Variants in BACH2 observed in about 807,000 individuals in gnomAD.
The protein encoded by BACH2 is transcription regulator protein BACH2.
A neutral mutation model predicts 61.8 loss-of-function variants in BACH2; 5 were observed. The ratio of observed to expected loss-of-function variants is 0.08; its 90% CI spans 0.04 to 0.17. The LOEUF (loss-of-function observed/expected upper bound fraction) is 0.17, where lower values mean the gene tolerates loss of function less well. BACH2 is among the 10% of genes least tolerant of loss of function. BACH2 has a pLI of 1.00. For synonymous variants in BACH2, 446 were observed against 440.1 expected (o/e 1.01, Z -0.17); for missense variants, 824 against 1,091.1 (o/e 0.76, Z 3.45).
intron 1 of BACH2, among the ~76,000 whole-genome samples, chr6:90,287,974 A>G (rs632043): frequency 0.052 from 7,979 of 152,270 alleles, 643 homozygotes; most frequent in African/African-American, 0.17. Flanking sequence ...AAGTGAGCAC[A>G]GAAGGAGGAT....
At chr6:89,933,761 G>A (rs9362703) in intron 8 of BACH2, among the ~76,000 whole-genome samples, 10,494 of 152,156 alleles carry the variant, frequency 0.069, 724 homozygotes, top group East Asian at 0.2. Flanking sequence ...CAAGTTGTGC[G>A]GATCGCTTGA....
At chr6:90,065,252 C>A (rs1259868305) in intron 5 of BACH2, among the ~76,000 whole-genome samples, 2 of 142,090 alleles carry the variant, frequency 1.4e-5, no homozygotes, top group Non-Finnish European at 3.1e-5. Flanking sequence ...GCTGCCACCC[C>A]ACCCCCTGCC....
chr6:90,082,229 A>G (rs1269119682), intron 5 of BACH2, among the ~76,000 whole-genome samples: 1 of 152,172 alleles, frequency 6.6e-6, no homozygotes, highest in Non-Finnish European at 1.5e-5. Context: ...TCAGAACACA[A>G]TCAGTTGACC....
chr6:90,256,163 G>A (rs1477004396), intron 2 of BACH2, among the ~76,000 whole-genome samples: 1 of 152,080 alleles, frequency 6.6e-6, no homozygotes. Flanking sequence ...AGGCCTCATA[G>A]CATTAGCTGT....
chr6:89,998,778 G>T (rs542292694), intron 6 of BACH2, among the ~76,000 whole-genome samples: 1 of 151,472 alleles, frequency 6.6e-6, no homozygotes. Context: ...CAATTTCCTG[G>T]CTTACAGCTT....
intron 6 of BACH2, among the ~76,000 whole-genome samples, chr6:89,990,805 G>A (rs953708540): frequency 6.6e-6 from 1 of 152,120 alleles, no homozygotes; most frequent in Non-Finnish European, 1.5e-5. Context: ...CCTGCTTACT[G>A]TCTGTCATCC....
At chr6:90,060,157 A>T (rs1016452800) in intron 5 of BACH2, among the ~76,000 whole-genome samples, 11 of 151,792 alleles carry the variant, frequency 7.2e-5, no homozygotes, top group African/African-American at 2.2e-4. Context: ...GAAAACAAAC[A>T]AACAAAAAAC....
intron 5 of BACH2, among the ~76,000 whole-genome samples, chr6:90,057,652 C>T (rs1209163318): frequency 1.3e-5 from 2 of 152,160 alleles, no homozygotes; most frequent in Admixed American, 6.6e-5. Context: ...GACACCAAAG[C>T]CTGGCAGAGA....
In BACH2 at chr6:89,989,482, CGAGA is replaced by C. The variant is rs373636040; in HGVS notation, c.243+19116_243+19119del. ...AGGTGGGAAGGGAGGGCATACAGAG[CGAGA>C]GAGAGAGGGCAAATCCACCTCCCTT... On this transcript the variant is annotated intron_variant, in intron 6 of 8. Coordinates refer to ENST00000257749, the MANE Select transcript of BACH2 (RefSeq NM_021813.4). Among the ~76,000 whole-genome samples the C allele has an allele frequency of 1.3e-5, 2 of 151,880 alleles. 1 individual carries two copies. Among genetic ancestry groups the C allele is most frequent in the Non-Finnish European group, 2.9e-5 (2 of 67,984 alleles).
At chr6:89,974,771 T>C (rs1375212838) in intron 6 of BACH2, among the ~76,000 whole-genome samples, 3 of 152,224 alleles carry the variant, frequency 2.0e-5, no homozygotes, top group African/African-American at 7.2e-5. Context: ...TTTACAACCG[T>C]CCCTTAAAAG....
At chr6:90,294,732 A>C (rs1582576198) in intron 1 of BACH2, among the ~76,000 whole-genome samples, 1 of 152,068 alleles carries the variant, frequency 6.6e-6, no homozygotes, top group African/African-American at 2.4e-5. Context: ...TTTAAGCAAG[A>C]CGCCCGCTGC....
chr6:90,203,830 G>A (rs1769041453), intron 4 of BACH2, among the ~76,000 whole-genome samples: 1 of 152,058 alleles, frequency 6.6e-6, no homozygotes, highest in Admixed American at 6.6e-5. Flanking sequence ...ACCAACATGC[G>A]AGCTATCCAA....
intron 2 of BACH2, among the ~76,000 whole-genome samples, chr6:90,268,933 A>C (rs1017515864): frequency 4.6e-5 from 7 of 152,202 alleles, no homozygotes; most frequent in African/African-American, 1.4e-4. Context: ...GTAAATAATT[A>C]AGTTCATTCT....
intron 5 of BACH2, among the ~76,000 whole-genome samples, chr6:90,085,985 A>C (rs1781916752): frequency 6.6e-6 from 1 of 152,116 alleles, no homozygotes; most frequent in East Asian, 1.9e-4. Context: ...AACAACTTTC[A>C]ATTTTTCCAT....
At chr6:89,936,779 T>C (rs7765125) in intron 8 of BACH2, among the ~76,000 whole-genome samples, 2,626 of 152,278 alleles carry the variant, frequency 0.017, 72 homozygotes, top group African/African-American at 0.056. Context: ...TATAACATCC[T>C]GTGCTTTTCT....
chr6:90,158,817 G>A (rs1171701088), intron 4 of BACH2, among the ~76,000 whole-genome samples: 1 of 151,938 alleles, frequency 6.6e-6, no homozygotes, highest in African/African-American at 2.4e-5. Context: ...ACTATTCAAG[G>A]GAAAGTGCCA....
chr6:90,270,643 C>A (rs925076531), intron 2 of BACH2, among the ~76,000 whole-genome samples: 17 of 152,182 alleles, frequency 1.1e-4, no homozygotes, highest in Non-Finnish European at 5.9e-5. Context: ...ATGAAAATGA[C>A]CATACTGACA....
In BACH2 at chr6:90,059,685, T is replaced by C. The variant is rs915827298; in HGVS notation, c.-13+29276A>G. On this transcript the variant is annotated intron_variant, in intron 5 of 8. Coordinates refer to ENST00000257749, the MANE Select transcript of BACH2 (RefSeq NM_021813.4). ...AAAGACACATGCACACGTATGTTTA[T>C]TGCAGCACTATTCACAATAGCAAAG... Among the ~76,000 whole-genome samples, 53 of 152,190 alleles carry C rather than the reference T, an allele frequency of 3.5e-4. 1 individual carries two copies. The highest frequency in any genetic ancestry group is 4.8e-4 in the African/African-American group (20 of 41,534).
chr6:90,103,029 A>ATATATATTTTTT, intron 4 of BACH2, among the ~76,000 whole-genome samples: 58 of 21,156 alleles, frequency 2.7e-3, no homozygotes, highest in Non-Finnish European at 3.0e-3. Flanking sequence ...ATATATATAT[A>ATATATATTTTTT]TTTTTTTTTT....
Sources: allele counts gnomAD v4.1 joint callset (sites outside exome capture counted in the v4.1 genomes callset), GRCh38; gene constraint gnomAD v4.1.1; transcripts MANE v1.5; gene names NCBI Gene and HGNC (gene_info 2026-07-23, HGNC 2026-07-21).